Variants in SARNP observed in about 807,000 individuals in gnomAD.
The protein encoded by SARNP is SAP domain-containing ribonucleoprotein.
Under a neutral mutation model 38.1 loss-of-function variants are expected in SARNP, and 5 were observed. That is an observed-to-expected ratio of 0.13 (90% CI 0.07 to 0.28). SARNP has a LOEUF of 0.28. SARNP is among the 10% of genes least tolerant of loss of function. SARNP has a pLI of 1.00. For synonymous variants in SARNP, 84 were observed against 80.6 expected (o/e 1.04, Z -0.23); for missense variants, 180 against 243.9 (o/e 0.74, Z 1.75).
chr12:55,795,439 A>G (rs116305401), intron 5 of SARNP, among the ~76,000 whole-genome samples: 1 of 152,166 alleles, frequency 6.6e-6, no homozygotes, highest in Non-Finnish European at 1.5e-5. Flanking sequence ...ATAAAGTAAA[A>G]CCTACATTAT....
chr12:55,761,211 A>C (rs1313848997), intron 9 of SARNP, among the ~76,000 whole-genome samples: 2 of 151,604 alleles, frequency 1.3e-5, no homozygotes, highest in Admixed American at 6.6e-5. Context: ...AACAGTAAGA[A>C]ACACCCATAA....
chr12:55,794,459 T>C (rs1592574034), intron 6 of SARNP, 72 bp from the exon 7 acceptor site: 1 of 1,303,902 alleles, frequency 7.7e-7, no homozygotes, highest in East Asian at 2.3e-5. Context: ...CCGTGTCAAG[T>C]ATACATATGA....
chr12:55,794,259 C>T, intron 7 of SARNP, 100 bp downstream of exon 7: 1 of 1,061,046 alleles, frequency 9.4e-7, no homozygotes. Context: ...AGAGTTTCTA[C>T]AGCTAGCAAA....
intron 9 of SARNP, among the ~76,000 whole-genome samples, chr12:55,761,171 G>C (rs1878663833): frequency 6.7e-6 from 1 of 150,214 alleles, no homozygotes; most frequent in African/African-American, 2.5e-5. Flanking sequence ...GTGAGACTCT[G>C]TCTCAAAAAA....
intron 1 of SARNP, among the ~76,000 whole-genome samples, chr12:55,808,013 A>C (rs1051445698): frequency 6.6e-6 from 1 of 152,216 alleles, no homozygotes; most frequent in Admixed American, 6.5e-5. Context: ...AGTCGTATGT[A>C]ATCCCAGCAC....
Position 55,777,381 on chromosome 12 carries a change from A to ATT in SARNP, c.501+11692_501+11693dup, listed in dbSNP as rs540892065. On this transcript the variant is annotated intron_variant, in intron 9 of 10. Coordinates refer to ENST00000336133, the MANE Select transcript of SARNP (RefSeq NM_033082.4). ...TTTAAAAACTTTTCCTTTTTTTTTT[A>ATT]TTTTTTTTTTTGAGATGGAGTCTCG... is the stretch of plus-strand genomic sequence containing the variant. Among the ~76,000 whole-genome samples the ATT allele has an allele frequency of 7.6e-3, 1,087 of 143,658 alleles. 10 individuals carry two copies. Among genetic ancestry groups the ATT allele is most frequent in the African/African-American group, 0.027 (1,042 of 39,230 alleles). 94.2% of individuals were successfully genotyped at this position (143,658 alleles called of 152,430 possible). A position where few individuals can be genotyped will look rare whatever the true frequency, so the allele number is the denominator to read the frequency against.
chr12:55,757,666 ATG>A, intron 10 of SARNP, 113 bp from the exon 11 acceptor site: 1 of 720,800 alleles, frequency 1.4e-6, no homozygotes, highest in Non-Finnish European at 2.3e-6. Context: ...AGAAGGAAGG[ATG>A]GCCCAGACTT....
intron 4 of SARNP, among the ~76,000 whole-genome samples, chr12:55,799,980 A>C (rs1879932311): frequency 6.6e-6 from 1 of 151,740 alleles, no homozygotes; most frequent in Admixed American, 6.6e-5. Flanking sequence ...ATTTGAGGTC[A>C]GGAGTTCAAA....
chr12:55,817,247 G>C (rs1361821871), intron 1 of SARNP, among the ~76,000 whole-genome samples: 1 of 152,146 alleles, frequency 6.6e-6, no homozygotes, highest in African/African-American at 2.4e-5. Flanking sequence ...GCCACCATTT[G>C]CTAACAGGGA....
At chr12:55,794,454 T>C in intron 6 of SARNP, 67 bp from the exon 7 acceptor site, 1 of 1,371,366 alleles carries the variant, frequency 7.3e-7, no homozygotes, top group South Asian at 1.2e-5. Context: ...TGTCTCCGTG[T>C]CAAGTATACA....
chr12:55,789,409 C>T (rs894320647), intron 8 of SARNP, among the ~76,000 whole-genome samples: 2 of 152,166 alleles, frequency 1.3e-5, no homozygotes, highest in African/African-American at 2.4e-5. Context: ...GGAAGCCAAA[C>T]ACTGCCAGGG....
intron 8 of SARNP, among the ~76,000 whole-genome samples, chr12:55,789,681 C>T (rs1320919336): frequency 6.6e-6 from 1 of 152,032 alleles, no homozygotes; most frequent in African/African-American, 2.4e-5. Context: ...CGGTGGCTCA[C>T]GCCTGTAATC....
chr12:55,775,242 A>T (rs757323406), intron 9 of SARNP, among the ~76,000 whole-genome samples: 1 of 38,216 alleles, frequency 2.6e-5, no homozygotes, highest in Non-Finnish European at 3.8e-5. Context: ...GGTTAAAATT[A>T]AAAAAAAAAA....
chr12:55,812,635 C>T (rs1356357742), intron 1 of SARNP, among the ~76,000 whole-genome samples: 1 of 152,248 alleles, frequency 6.6e-6, no homozygotes, highest in Non-Finnish European at 1.5e-5. Context: ...GCAAAACTGG[C>T]TTCTCCTCCT....
chr12:55,779,351 T>C (rs540390832), intron 9 of SARNP, among the ~76,000 whole-genome samples: 2 of 152,334 alleles, frequency 1.3e-5, no homozygotes, highest in Non-Finnish European at 1.5e-5. Context: ...AGATGTCTAC[T>C]ATCTGCGTTT....
chr12:55,786,183 G>A (rs1211699087), intron 9 of SARNP, among the ~76,000 whole-genome samples: 1 of 152,224 alleles, frequency 6.6e-6, no homozygotes. Context: ...CAGGTATACA[G>A]TATAGCATTG....
intron 9 of SARNP, among the ~76,000 whole-genome samples, chr12:55,774,064 G>A (rs1565673380): frequency 6.6e-6 from 1 of 151,994 alleles, no homozygotes; most frequent in Non-Finnish European, 1.5e-5. Context: ...GAGTGCAGTG[G>A]CACAACCATA....
intron 5 of SARNP, 68 bp from the exon 6 acceptor site, chr12:55,794,948 A>G (rs936979217): frequency 1.1e-4 from 33 of 304,062 alleles, no homozygotes; most frequent in Non-Finnish European, 1.8e-4. Flanking sequence ...AGTCAGAGGT[A>G]GGTATCTTTA....
At chr12:55,794,957 TAAAAAAAAAAAAAAA>T in intron 5 of SARNP, 77 bp from the exon 6 acceptor site, 1 of 145,276 alleles carries the variant, frequency 6.9e-6, no homozygotes, top group Non-Finnish European at 1.3e-5. Context: ...TAGGTATCTT[TAAAAAAAAAAAAAAA>T]AAAAAAAAAA....
Sources: gnomAD v4.1 joint callset for allele counts (sites outside exome capture counted in the v4.1 genomes callset) on GRCh38, gnomAD v4.1.1 for gene constraint, MANE v1.5 for transcripts, NCBI Gene and HGNC (gene_info 2026-07-23, HGNC 2026-07-21) for gene names.